The following CFAP46 variants were observed in gnomAD, a reference collection of about 807,000 sequenced individuals.
CFAP46 encodes cilia and flagella associated protein 46, also known as cilia- and flagella-associated protein 46.
In CFAP46, 245 loss-of-function variants were observed where a neutral mutation model predicts 325.7. That is an observed-to-expected ratio of 0.75 (90% CI 0.68 to 0.84). CFAP46 has a LOEUF of 0.84. CFAP46 is among the 40% of genes least tolerant of loss of function. The pLI, the probability that CFAP46 is intolerant of heterozygous loss-of-function variation, is 0.00. For missense variants in CFAP46, 3,346 were observed against 3,543.0 expected, an observed-to-expected ratio of 0.94 and a Z score of 1.41; for synonymous variants, 1,523 against 1,495.9, an observed-to-expected ratio of 1.02 and a Z score of -0.42.
intron 1 of CFAP46, 38 bp from the exon 2 acceptor site, chr10:132,942,142 G>A (rs755318353): frequency 6.5e-7 from 1 of 1,549,714 alleles, no homozygotes; most frequent in Non-Finnish European, 8.7e-7. Context: ...TTTGGTCACT[G>A]GGCTGGGAGA....
At chr10:132,934,602 AG>A (rs1234554257) in intron 8 of CFAP46, 149 bp downstream of exon 8, 4 of 619,118 alleles carry the variant, frequency 6.5e-6, no homozygotes, top group Non-Finnish European at 1.1e-5. Flanking sequence ...ACAAAAGACC[AG>A]ACAGGACCTT....
chr10:132,913,912 C>T (rs917325259), intron 17 of CFAP46, among the ~76,000 whole-genome samples: 1 of 152,074 alleles, frequency 6.6e-6, no homozygotes, highest in Non-Finnish European at 1.5e-5. Context: ...CCCCTCGTTC[C>T]AGTTTGTCCT....
intron 8 of CFAP46, among the ~76,000 whole-genome samples, chr10:132,933,657 C>T (rs929145189): frequency 8.5e-5 from 13 of 152,270 alleles, no homozygotes; most frequent in African/African-American, 3.1e-4. Context: ...CCTGGGGCCC[C>T]TCCCTCGAGG....
At position 132,878,328 on chromosome 10, in the gene CFAP46, G is replaced by A. The variant is rs572279516; in HGVS notation, c.4006-241C>T. On this transcript the variant is annotated intron_variant, in intron 29 of 57. Coordinates refer to ENST00000368586, the MANE Select transcript of CFAP46 (RefSeq NM_001200049.3). ...ATGCCCGTGAGCCTGCTGGCTCCGC[G>A]GGTGTCCCTCAGTCTCACTCCACTG... Among the ~76,000 whole-genome samples the A allele has an allele frequency of 1.4e-4, 21 of 152,300 alleles. No individual in the cohort carries two copies. The East Asian group carries it at 2.3e-3, about 17-fold the overall frequency.
chr10:132,865,421 G>T (rs1001047332), intron 35 of CFAP46, among the ~76,000 whole-genome samples: 1 of 150,538 alleles, frequency 6.6e-6, no homozygotes, highest in Non-Finnish European at 1.5e-5. Flanking sequence ...AGGGCTGTCA[G>T]CTGGGCTTGG....
At chr10:132,937,787 A>G (rs1850032199) in intron 5 of CFAP46, 112 bp from the exon 6 acceptor site, 1 of 1,418,332 alleles carries the variant, frequency 7.1e-7, no homozygotes, top group South Asian at 1.5e-5. Context: ...TTTAAAAGCT[A>G]CCCTGGGGTC....
At chr10:132,878,405 C>T (rs1221262916) in intron 29 of CFAP46, among the ~76,000 whole-genome samples, 3 of 152,052 alleles carry the variant, frequency 2.0e-5, no homozygotes, top group Admixed American at 6.5e-5. Flanking sequence ...CTGGCCATCC[C>T]GCACTCTCCC....
Position 132,918,505 on chromosome 10 carries a change from C to T in CFAP46, c.1874G>A (p.Gly625Asp), listed in dbSNP as rs1442909408. Residue 625 changes from glycine (G) to aspartate (D), a missense_variant, in exon 16 of 58, where the codon GGT (glycine) becomes GAT (aspartate). Gly to Asp is a moderately conservative substitution (Grantham distance 94, BLOSUM62 -1). Transcript: ENST00000368586. Reference sequence around the variant, plus strand: ...GGTGTCCTGCACCGAGCCGTCCCTACCTCGCTTCTTCTTCCCTGAGAGAAA... The same window carrying T: ...GGTGTCCTGCACCGAGCCGTCCCTATCTCGCTTCTTCTTCCCTGAGAGAAA... The part of the protein sequence containing the change: ...LRLRRGKKKR[G>D]RDGSVQDTWS... The T allele has an allele frequency of 1.1e-5, 16 of 1,520,460 alleles. No homozygotes were observed. Among genetic ancestry groups the T allele is most frequent in the Non-Finnish European group, 1.3e-5 (15 of 1,125,894 alleles). 94.2% of individuals were successfully genotyped at this position (1,520,460 alleles called of 1,614,324 possible). A position where few individuals can be genotyped will look rare whatever the true frequency, so the allele number is the denominator to read the frequency against.
chr10:132,922,834 CT>C, intron 11 of CFAP46, 126 bp from the exon 12 acceptor site: 2 of 728,634 alleles, frequency 2.7e-6, no homozygotes, highest in Non-Finnish European at 4.5e-6. Context: ...CCCGGTGCCC[CT>C]GGCTTTCTGC....
At chr10:132,933,395 G>C (rs1849944082) in intron 8 of CFAP46, among the ~76,000 whole-genome samples, 1 of 152,260 alleles carries the variant, frequency 6.6e-6, no homozygotes, top group African/African-American at 2.4e-5. Flanking sequence ...ATTTACACTG[G>C]TCCCAAGACC....
intron 44 of CFAP46, among the ~76,000 whole-genome samples, chr10:132,840,655 TA>T (rs1257001341): frequency 1.3e-5 from 2 of 152,248 alleles, no homozygotes; most frequent in African/African-American, 4.8e-5. Flanking sequence ...TAAGTCAGTT[TA>T]AAGTGTTTTC....
intron 8 of CFAP46, among the ~76,000 whole-genome samples, chr10:132,931,952 A>G (rs1440366894): frequency 7.4e-6 from 1 of 134,446 alleles, no homozygotes; most frequent in African/African-American, 2.9e-5. Flanking sequence ...TCCTCCACAC[A>G]CAGAGGCTGG....
chr10:132,902,745 G>A (rs1849408257), intron 22 of CFAP46, among the ~76,000 whole-genome samples: 1 of 152,236 alleles, frequency 6.6e-6, no homozygotes, highest in Non-Finnish European at 1.5e-5. Context: ...TGCTGAAAGT[G>A]TGGATTGTGT....
chr10:132,898,792 TG>T, intron 24 of CFAP46, 166 bp downstream of exon 24: 2 of 898,138 alleles, frequency 2.2e-6, no homozygotes, highest in Non-Finnish European at 3.6e-6. Context: ...CCCGCAGTGC[TG>T]GGACTTGGAG....
intron 44 of CFAP46, among the ~76,000 whole-genome samples, chr10:132,837,928 G>C (rs1024099513): frequency 2.0e-5 from 1 of 50,918 alleles, no homozygotes; most frequent in African/African-American, 8.7e-5. Flanking sequence ...CAGACACGCA[G>C]ACATGCACGG....
At chr10:132,921,968 A>C in intron 13 of CFAP46, 136 bp downstream of exon 13, 1 of 1,144,834 alleles carries the variant, frequency 8.7e-7, no homozygotes, top group Non-Finnish European at 1.2e-6. Context: ...AGATCGAAGG[A>C]CACTGCCGGT....
In CFAP46 at chr10:132,812,755, G is replaced by T. The variant is rs778750484; in HGVS notation, c.7501+30C>A. The T allele has an allele frequency of 9.1e-6, 14 of 1,543,728 alleles. No homozygotes were observed. In the East Asian group the frequency reaches 2.7e-4, roughly 30 times the overall value. On this transcript the variant is annotated intron_variant, in intron 55 of 57. Transcript: ENST00000368586. ...AGGCGGGTTTGTCCTGTGCCCGCGG[G>T]GGAGGGGGTGCTGAGAGGACACCTC... is the stretch of plus-strand genomic sequence containing the variant.
chr10:132,815,402 G>A (rs930112802), intron 50 of CFAP46, among the ~76,000 whole-genome samples: 3 of 152,202 alleles, frequency 2.0e-5, no homozygotes, highest in African/African-American at 7.2e-5. Flanking sequence ...CAGCGGAATG[G>A]ACGCACGCAT....
At chr10:132,837,064 G>GA in intron 44 of CFAP46, 150 bp from the exon 45 acceptor site, 1 of 617,168 alleles carries the variant, frequency 1.6e-6, no homozygotes, top group Middle Eastern at 4.3e-4. Flanking sequence ...GGGGTGGGGG[G>GA]CCCTGCTGGA....
Sources: gnomAD v4.1 joint callset for allele counts (sites outside exome capture counted in the v4.1 genomes callset) on GRCh38, gnomAD v4.1.1 for gene constraint, MANE v1.5 for transcripts, NCBI Gene and HGNC (gene_info 2026-07-23, HGNC 2026-07-21) for gene names.